The following CCDC88C variants were observed in gnomAD, a reference collection of about 807,000 sequenced individuals.
CCDC88C encodes coiled-coil and HOOK domain protein 88C.
In CCDC88C, 131 loss-of-function variants were observed where a neutral mutation model predicts 198.8. The ratio of observed to expected loss-of-function variants is 0.66; its 90% CI spans 0.57 to 0.76. The LOEUF (loss-of-function observed/expected upper bound fraction) is 0.76. Ranked by LOEUF, CCDC88C falls within the 30% of genes least tolerant of loss-of-function variation. The pLI is 0.00. For missense variants in CCDC88C, 2,553 were observed against 2,631.6 expected, an observed-to-expected ratio of 0.97 and a Z score of 0.65; for synonymous variants, 1,166 against 1,114.7, an observed-to-expected ratio of 1.05 and a Z score of -0.92.
In CCDC88C at chr14:91,291,008, G is replaced by A. The variant is rs774168104; in HGVS notation, c.4189C>T (p.Pro1397Ser). 7 of 1,581,060 alleles carry A rather than the reference G, an allele frequency of 4.4e-6. No individual in the cohort carries two copies. In the Admixed American group the frequency reaches 1.2e-4, roughly 28 times the overall value. Residue 1397 changes from proline to serine, a missense_variant, in exon 24 of 30, where the codon CCT (proline) becomes TCT (serine). Coordinates refer to ENST00000389857, the MANE Select transcript of CCDC88C (RefSeq NM_001080414.4). The stretch of plus-strand genomic sequence containing the variant: ...AAATCAACTCACTTCTTTGGAGGAG[G>A]ATCATAGAACTTGTATTGATCCATG... Reference protein sequence around the residue: ...KIMDQYKFYDPPPKKKNHWIG... With the variant: ...KIMDQYKFYDSPPKKKNHWIG...
intron 3 of CCDC88C, among the ~76,000 whole-genome samples, chr14:91,400,308 G>A (rs1394252333): frequency 6.6e-6 from 1 of 152,246 alleles, no homozygotes; most frequent in Admixed American, 6.5e-5. Flanking sequence ...TCTAGCTAGG[G>A]AATGGGGATC....
intron 3 of CCDC88C, among the ~76,000 whole-genome samples, chr14:91,385,947 AT>A (rs1885105938): frequency 1.3e-5 from 2 of 152,180 alleles, no homozygotes; most frequent in Non-Finnish European, 2.9e-5. Context: ...AGAGAAAAAC[AT>A]TGGGCCAGGA....
chr14:91,410,951 G>A (rs769711492), intron 2 of CCDC88C, among the ~76,000 whole-genome samples: 1 of 152,120 alleles, frequency 6.6e-6, no homozygotes, highest in East Asian at 1.9e-4. Flanking sequence ...ACTCAGGGTC[G>A]GGAACCTGGG....
chr14:91,355,832 A>T (rs1049948744), intron 4 of CCDC88C, among the ~76,000 whole-genome samples: 1 of 152,110 alleles, frequency 6.6e-6, no homozygotes, highest in Non-Finnish European at 1.5e-5. Context: ...GTAGACTCTC[A>T]GGGTCTTTTA....
chr14:91,330,611 C>T (rs1415850899), intron 10 of CCDC88C, among the ~76,000 whole-genome samples: 1 of 152,188 alleles, frequency 6.6e-6, no homozygotes, highest in Admixed American at 6.5e-5. Flanking sequence ...AGGAGGGGCA[C>T]CTGGACCTGG....
At chr14:91,394,123 T>C (rs1885694755) in intron 3 of CCDC88C, among the ~76,000 whole-genome samples, 1 of 152,186 alleles carries the variant, frequency 6.6e-6, no homozygotes, top group African/African-American at 2.4e-5. Flanking sequence ...GCCTAAACCT[T>C]AGAATGCTCA....
At chr14:91,344,448 T>TC (rs1293351530) in intron 4 of CCDC88C, among the ~76,000 whole-genome samples, 1 of 151,716 alleles carries the variant, frequency 6.6e-6, no homozygotes, top group Admixed American at 6.6e-5. Context: ...GCCTCCTCCT[T>TC]CCCCCTTTTA....
rs1401684977 is a variant in CCDC88C, at chr14:91,271,474, A to G, written c.*1151T>C. 1 of 151,934 alleles carries G rather than the reference A, an allele frequency of 6.6e-6. No individual in the cohort carries two copies. The allele number at this position is 151,934 out of a possible 1,614,324, so 9.4% of individuals were successfully genotyped here. On this transcript the variant is annotated 3_prime_UTR_variant, in exon 30 of 30. Transcript: ENST00000389857. ...CAGTATATTAAATCAAAAGGAAAAA[A>G]AAATCTTAAAAAAAAAAAATCAATA...
intron 2 of CCDC88C, among the ~76,000 whole-genome samples, chr14:91,412,885 CTT>C: frequency 6.6e-6 from 1 of 152,152 alleles, no homozygotes; most frequent in Non-Finnish European, 1.5e-5. Flanking sequence ...AAAATTTCCC[CTT>C]TTATCCTAAG....
intron 2 of CCDC88C, among the ~76,000 whole-genome samples, chr14:91,411,589 G>A (rs1886790009): frequency 6.6e-6 from 1 of 152,106 alleles, no homozygotes; most frequent in African/African-American, 2.4e-5. Context: ...GTAGCTGGTC[G>A]GAACTTGGAG....
Position 91,283,479 on chromosome 14 carries a change from T to C in CCDC88C, c.4480A>G (p.Arg1494Gly), listed in dbSNP as rs777868444. The C allele has an allele frequency of 3.4e-5, 55 of 1,612,822 alleles. No homozygotes were observed. Among genetic ancestry groups the C allele is most frequent in the Non-Finnish European group, 4.6e-5 (54 of 1,179,460 alleles). The change falls in exon 26 of 30, where the codon AGA becomes GGA. Residue 1494 changes from arginine to glycine, a missense_variant. Arg to Gly is a moderately radical substitution (Grantham distance 125, BLOSUM62 -2). Coordinates refer to ENST00000389857, the MANE Select transcript of CCDC88C (RefSeq NM_001080414.4). Reference protein sequence around the residue: ...DLKPKRGSPHRGSLDRTDAST... With the variant: ...DLKPKRGSPHGGSLDRTDAST... The stretch of plus-strand genomic sequence containing the variant: ...GCATCTGTGCGGTCAAGGCTGCCTC[T>C]GTGTGGGGAGCCTCGCTTTGGTTTT...
At chr14:91,318,076 C>G (rs1892183350) in intron 13 of CCDC88C, among the ~76,000 whole-genome samples, 1 of 152,216 alleles carries the variant, frequency 6.6e-6, no homozygotes, top group South Asian at 2.1e-4. Context: ...CAAGGTTGGG[C>G]TGCCACTTAT....
rs1890556166 is a variant in CCDC88C at position 91,289,221 on chromosome 14, G to A, written c.4325C>T (p.Pro1442Leu). 6.2e-7 allele frequency: 1 copy of A among 1,613,930 alleles called. No individual in the cohort carries two copies. The highest frequency in any genetic ancestry group is 1.3e-5 in the African/African-American group (1 of 74,944). Residue 1442 changes from proline (P) to leucine (L), a missense_variant, in exon 25 of 30, where the codon CCC becomes CTC. Physicochemically the swap from Pro to Leu is moderately conservative, Grantham distance 98. Around this residue, in one of 2 missense-constraint regions of CCDC88C, gnomAD observed 1,293 missense variants for 1,219.6 expected, o/e 1.06. Coordinates refer to ENST00000389857, the MANE Select transcript of CCDC88C (RefSeq NM_001080414.4). ...CGGCTGAGAGGCCGCCGGCGAGGCG[G>A]GGTCTGAGGACTCCAGCTGCCAGGG... is the stretch of plus-strand genomic sequence containing the variant. ...SPPWQLESSD[P>L]ASPAASQPLR... is the part of the protein sequence containing the mutation.
intron 20 of CCDC88C, among the ~76,000 whole-genome samples, chr14:91,302,653 G>A (rs1465899872): frequency 3.3e-5 from 5 of 152,202 alleles, no homozygotes; most frequent in Admixed American, 3.3e-4. Flanking sequence ...AGAGTGGGAG[G>A]TGCACATGAA....
intron 4 of CCDC88C, among the ~76,000 whole-genome samples, chr14:91,354,379 G>A (rs1338135014): frequency 6.6e-6 from 1 of 152,212 alleles, no homozygotes; most frequent in Non-Finnish European, 1.5e-5. Context: ...CCCCGGAGCT[G>A]GTCTAGCTCC....
intron 13 of CCDC88C, among the ~76,000 whole-genome samples, chr14:91,318,572 G>A (rs1003266522): frequency 2.6e-5 from 4 of 152,180 alleles, no homozygotes; most frequent in South Asian, 2.1e-4. Context: ...GAGGAGCCTC[G>A]TAGAAGTCCC....
chr14:91,377,545 GCCC>G (rs1010270955), intron 3 of CCDC88C, among the ~76,000 whole-genome samples: 1 of 149,890 alleles, frequency 6.7e-6, no homozygotes, highest in Non-Finnish European at 1.5e-5. Context: ...AATGCAGATG[GCCC>G]CCCCCCGGTG....
Position 91,362,840 on chromosome 14 carries a change from A to G in CCDC88C, c.271-3129T>C, listed in dbSNP as rs34924021. Among the ~76,000 whole-genome samples the G allele has an allele frequency of 9.8e-3, 1,484 of 152,078 alleles. 17 individuals carry two copies. Among genetic ancestry groups the G allele is most frequent in the Middle Eastern group, 0.017 (5 of 294 alleles). ...GCTACTCAGGAGGCTGAGGCAGGAG[A>G]ATGGCATGAACCCGGGAGGCGGAGG... On this transcript the variant is annotated intron_variant, in intron 3 of 29. Transcript: ENST00000389857.
rs529464701 is a variant in CCDC88C, at chr14:91,309,387, T to G, written c.2864+472A>C. ...GGAGGCTGAGGTGGGCAGATCGCTTTGAGCTCAGGAGTTCAAGACCAGCCT... is the reference window on the plus strand; with the variant it reads ...GGAGGCTGAGGTGGGCAGATCGCTTGGAGCTCAGGAGTTCAAGACCAGCCT... On this transcript the variant is annotated intron_variant, in intron 16 of 29. Transcript: ENST00000389857. Among the ~76,000 whole-genome samples, 20 of 152,234 alleles carry G rather than the reference T, an allele frequency of 1.3e-4. No homozygotes were observed. The South Asian group carries it at 4.1e-3, about 32-fold the overall frequency.
Sources: allele counts gnomAD v4.1 joint callset (sites outside exome capture counted in the v4.1 genomes callset), GRCh38; gene constraint gnomAD v4.1.1; regional missense constraint gnomAD v4.1.1; transcripts MANE v1.5; gene names NCBI Gene and HGNC (gene_info 2026-07-23, HGNC 2026-07-21).